Variants in ELOVL6 observed in about 807,000 individuals in gnomAD.
The protein encoded by ELOVL6 is ELOVL fatty acid elongase 6.
A neutral mutation model predicts 31.7 loss-of-function variants in ELOVL6; 8 were observed. The ratio of observed to expected loss-of-function variants is 0.25; its 90% CI spans 0.15 to 0.45. ELOVL6 has a LOEUF of 0.45. Ranked by LOEUF, ELOVL6 falls within the 20% of genes least tolerant of loss-of-function variation. The probability of loss-of-function intolerance (pLI) is 1.00; values close to 1 mark genes in which losing one functional copy is unlikely to be tolerated. For missense variants in ELOVL6, 126 were observed against 326.4 expected (o/e 0.39, Z 4.73); for synonymous variants, 101 against 117.7 (o/e 0.86, Z 0.92).
At chr4:110,197,350 G>A (rs1209998495) in intron 1 of ELOVL6, among the ~76,000 whole-genome samples, 1 of 152,230 alleles carries the variant, frequency 6.6e-6, no homozygotes, top group Non-Finnish European at 1.5e-5. Flanking sequence ...CCCACACAGG[G>A]ATTTTCAAAA....
intron 1 of ELOVL6, among the ~76,000 whole-genome samples, chr4:110,138,287 T>G (rs940388990): frequency 6.6e-6 from 1 of 152,216 alleles, no homozygotes; most frequent in African/African-American, 2.4e-5. Context: ...TTTGTGCTAA[T>G]AAAGTTCTAT....
chr4:110,087,819 C>A (rs1219012094), intron 2 of ELOVL6, among the ~76,000 whole-genome samples: 5 of 125,532 alleles, frequency 4.0e-5, no homozygotes, highest in African/African-American at 5.9e-5. Context: ...AAAAAAAAAA[C>A]CTCCTATTTT....
At chr4:110,177,908 G>A (rs1759159944) in intron 1 of ELOVL6, among the ~76,000 whole-genome samples, 1 of 152,146 alleles carries the variant, frequency 6.6e-6, no homozygotes, top group African/African-American at 2.4e-5. Flanking sequence ...CATAATCCAT[G>A]AAGAAAATAA....
chr4:110,115,100 T>C (rs1020218525), intron 1 of ELOVL6, among the ~76,000 whole-genome samples: 1 of 152,132 alleles, frequency 6.6e-6, no homozygotes, highest in African/African-American at 2.4e-5. Context: ...AAACATGGCA[T>C]GTTTTCACGT....
intron 2 of ELOVL6, among the ~76,000 whole-genome samples, chr4:110,073,387 T>A (rs1380868344): frequency 3.3e-5 from 5 of 152,166 alleles, no homozygotes; most frequent in African/African-American, 9.7e-5. Flanking sequence ...CTTAAGTGTC[T>A]TTGGGGAAAA....
chr4:110,146,899 A>G (rs1758129263), intron 1 of ELOVL6: 1 of 152,416 alleles, frequency 6.6e-6, no homozygotes, highest in Non-Finnish European at 1.5e-5. Context: ...CTGAGGCAGG[A>G]GAATTGCTTG....
chr4:110,139,949 C>A (rs559155773), intron 1 of ELOVL6, among the ~76,000 whole-genome samples: 1 of 152,276 alleles, frequency 6.6e-6, no homozygotes, highest in South Asian at 2.1e-4. Context: ...CATTAAGCAC[C>A]ATCAGGGACG....
chr4:110,113,891 T>C (rs1226982311), intron 1 of ELOVL6, among the ~76,000 whole-genome samples: 1 of 152,218 alleles, frequency 6.6e-6, no homozygotes, highest in Non-Finnish European at 1.5e-5. Context: ...TACTCTTCAT[T>C]CTACGAGAAA....
intron 1 of ELOVL6, among the ~76,000 whole-genome samples, chr4:110,141,855 G>GTGTATATATA (rs112473825): frequency 2.4e-5 from 3 of 126,632 alleles, no homozygotes; most frequent in Admixed American, 8.4e-5. Context: ...AATACAATTA[G>GTGTATATATA]TATATATATA....
At chr4:110,154,850 T>G (rs1005860300) in intron 1 of ELOVL6, among the ~76,000 whole-genome samples, 1 of 152,176 alleles carries the variant, frequency 6.6e-6, no homozygotes, top group African/African-American at 2.4e-5. Context: ...TGTAATTAAC[T>G]TGGAGAAGAA....
chr4:110,055,225 G>A (rs1369994155), intron 3 of ELOVL6, among the ~76,000 whole-genome samples: 1 of 152,172 alleles, frequency 6.6e-6, no homozygotes, highest in African/African-American at 2.4e-5. Context: ...AATTTGTCAT[G>A]AGCCAGAGTC....
intron 1 of ELOVL6, among the ~76,000 whole-genome samples, chr4:110,168,410 T>G (rs1248963212): frequency 6.6e-6 from 1 of 152,008 alleles, no homozygotes; most frequent in Non-Finnish European, 1.5e-5. Flanking sequence ...TCCCAGCTAC[T>G]TGGGTGACTG....
intron 2 of ELOVL6, among the ~76,000 whole-genome samples, chr4:110,085,551 A>C (rs554827764): frequency 9.9e-5 from 15 of 152,278 alleles, no homozygotes; most frequent in African/African-American, 3.1e-4. Context: ...ACGTCCCAAA[A>C]GCCTTTAGTT....
intron 1 of ELOVL6, among the ~76,000 whole-genome samples, chr4:110,127,188 CA>C (rs1036821610): frequency 1.3e-5 from 2 of 151,990 alleles, no homozygotes; most frequent in African/African-American, 2.4e-5. Context: ...ATGGTTGGAT[CA>C]CAAGGTCAGG....
Position 110,084,386 on chromosome 4 carries a change from G to A in ELOVL6, c.221+21111C>T, listed in dbSNP as rs561004949. Among the ~76,000 whole-genome samples the A allele has an allele frequency of 9.9e-3, 370 of 37,292 alleles. 27 individuals are homozygous for A. The highest frequency in any genetic ancestry group is 0.03 in the South Asian group (26 of 880). The allele number at this position is 37,292 out of a possible 152,430, so 24.5% of individuals were successfully genotyped here. On this transcript the variant is annotated intron_variant, in intron 2 of 3. Transcript: ENST00000302274. ...GCATATATGATATATGATATATATC[G>A]CATATATGATATATGATATATGACA...
chr4:110,065,670 C>T (rs1314957673), intron 2 of ELOVL6, among the ~76,000 whole-genome samples: 1 of 152,116 alleles, frequency 6.6e-6, no homozygotes, highest in Non-Finnish European at 1.5e-5. Flanking sequence ...AGGCTTTGAC[C>T]ATGACGTCTG....
chr4:110,187,775 G>A (rs1759492818), intron 1 of ELOVL6, among the ~76,000 whole-genome samples: 1 of 151,984 alleles, frequency 6.6e-6, no homozygotes, highest in Non-Finnish European at 1.5e-5. Flanking sequence ...AGGGAACCCA[G>A]GCTGTCACAG....
intron 1 of ELOVL6, among the ~76,000 whole-genome samples, chr4:110,128,286 T>G (rs1757566490): frequency 6.6e-6 from 1 of 152,118 alleles, no homozygotes; most frequent in South Asian, 2.1e-4. Flanking sequence ...GGGAGAGTGT[T>G]GAGATGAAGG....
chr4:110,105,644 C>T lies in ELOVL6; in HGVS notation c.90-16G>A. The T allele has an allele frequency of 6.2e-7, 1 of 1,605,642 alleles. No individual in the cohort carries two copies. Among genetic ancestry groups the T allele is most frequent in the Non-Finnish European group, 8.5e-7 (1 of 1,176,022 alleles). On this transcript the variant is annotated splice_polypyrimidine_tract_variant and intron_variant, in intron 1 of 3. Coordinates refer to ENST00000302274, the MANE Select transcript of ELOVL6 (RefSeq NM_024090.3). ...AGATTTCTTCCTGCAAACAAGCAAA[C>T]AAAATCTTTAAGATATTTTTAGTCA...
Sources: gnomAD v4.1 joint callset for allele counts (sites outside exome capture counted in the v4.1 genomes callset) on GRCh38, gnomAD v4.1.1 for gene constraint, MANE v1.5 for transcripts, NCBI Gene and HGNC (gene_info 2026-07-23, HGNC 2026-07-21) for gene names.